Variants in TPPP observed in about 807,000 individuals in gnomAD.
TPPP encodes the protein tubulin polymerization-promoting protein.
In TPPP, 6 loss-of-function variants were observed where a neutral mutation model predicts 15.5. That is an observed-to-expected ratio of 0.39 (90% CI 0.21 to 0.77). The LOEUF is 0.77. TPPP is among the 30% of genes least tolerant of loss of function. The pLI is 0.42. For missense variants in TPPP, 269 were observed against 307.2 expected, an observed-to-expected ratio of 0.88 and a Z score of 0.93; for synonymous variants, 146 against 133.9, an observed-to-expected ratio of 1.09 and a Z score of -0.63.
intron 2 of TPPP, among the ~76,000 whole-genome samples, chr5:671,377 G>A (rs989740249): frequency 2.0e-5 from 3 of 151,984 alleles, no homozygotes; most frequent in Non-Finnish European, 4.4e-5. Context: ...CCTTCTCTAG[G>A]GGGCCCCAGG....
At chr5:698,498 T>C in the TPPP span, among the ~76,000 whole-genome samples, 5 of 151,972 alleles carry the variant, frequency 3.3e-5, no homozygotes, top group African/African-American at 1.2e-4. Context: ...GGACTTACAG[T>C]TCCACACGGC....
chr5:675,817 C>T (rs1294109690), intron 2 of TPPP: 1 of 152,226 alleles, frequency 6.6e-6, no homozygotes, highest in East Asian at 1.9e-4. Context: ...TTTCCGAGGC[C>T]GGGGAGCACA....
chr5:684,029 A>C (rs1740700258), intron 1 of TPPP, among the ~76,000 whole-genome samples: 1 of 150,924 alleles, frequency 6.6e-6, no homozygotes, highest in Admixed American at 6.6e-5. Context: ...TTGTCATTAA[A>C]CCCCACTCCT....
intron 2 of TPPP, among the ~76,000 whole-genome samples, chr5:668,363 TGG>T (rs1740032975): frequency 1.9e-5 from 2 of 107,842 alleles, no homozygotes; most frequent in African/African-American, 7.7e-5. Flanking sequence ...ACAAGCACAC[TGG>T]AGAGGGGTCC....
intron 1 of TPPP, among the ~76,000 whole-genome samples, chr5:688,553 G>A (rs1166984122): frequency 6.6e-5 from 10 of 152,228 alleles, no homozygotes; most frequent in South Asian, 2.1e-4. Context: ...CCCGGAACAC[G>A]AAGAGAGGCG....
At chr5:688,270 G>A (rs542497808) in intron 1 of TPPP, among the ~76,000 whole-genome samples, 129 of 142,936 alleles carry the variant, frequency 9.0e-4, no homozygotes, top group African/African-American at 2.3e-3. Flanking sequence ...AAGGGGAACC[G>A]CGTGGACATG....
chr5:663,326 G>A lies in TPPP; in HGVS notation c.*1776C>T, dbSNP rs1739757998. 6.6e-6 allele frequency: 1 copy of A among 152,582 alleles called. No individual in the cohort carries two copies. The highest frequency in any genetic ancestry group is 2.4e-5 in the African/African-American group (1 of 41,590). The allele number at this position is 152,582 out of a possible 1,614,324, so 9.5% of individuals were successfully genotyped here. ...CAGCGGGGGCACAGGGCTGGGCTTGGGCACCCCCCGCCTTCCCCAGGCCGG... is the reference window on the plus strand; with the variant it reads ...CAGCGGGGGCACAGGGCTGGGCTTGAGCACCCCCCGCCTTCCCCAGGCCGG... On this transcript the variant is annotated 3_prime_UTR_variant, in exon 4 of 4. Transcript: ENST00000360578.
upstream of TPPP, among the ~76,000 whole-genome samples, chr5:696,817 G>A (rs1291434050): frequency 1.3e-4 from 17 of 128,570 alleles, no homozygotes; most frequent in East Asian, 4.1e-4. Context: ...TATGCATGCC[G>A]GTGTATGTAT....
intron 2 of TPPP, among the ~76,000 whole-genome samples, chr5:675,037 G>A (rs1740357310): frequency 2.0e-5 from 2 of 99,316 alleles, no homozygotes; most frequent in Admixed American, 9.5e-5. Context: ...AGCAGTGAGG[G>A]GGGTACAGTA....
upstream of TPPP, among the ~76,000 whole-genome samples, chr5:695,687 C>T (rs1402265100): frequency 4.0e-5 from 6 of 151,718 alleles, no homozygotes; most frequent in African/African-American, 9.7e-5. Flanking sequence ...GCCTCCTCCC[C>T]CGAGTTAGTG....
chr5:674,990 C>A lies in TPPP; in HGVS notation c.311+2760G>T, dbSNP rs1046204758. On this transcript the variant is annotated intron_variant, in intron 2 of 3. Transcript: ENST00000360578. ...AGTCAGTCCACAAAGGATCTGTGGC[C>A]GGGGGAGCAGTGAGGGGGGCACAGT... 8.0e-5 allele frequency among the ~76,000 whole-genome samples: 9 copies of A among 111,860 alleles called. No individual in the cohort carries two copies. In the South Asian group the frequency reaches 2.7e-3, roughly 34 times the overall value. The allele number at this position is 111,860 out of a possible 152,430, so 73.4% of individuals were successfully genotyped here. A position where few individuals can be genotyped will look rare whatever the true frequency, so the allele number is the denominator to read the frequency against.
At position 679,459 on chromosome 5, in the gene TPPP, A is replaced by AGGATCCTGGGGGTGGAAAGGCTG. The variant is rs1360707202; in HGVS notation, c.-4-1396_-4-1395insCAGCCTTTCCACCCCCAGGATCC. 2.9e-3 allele frequency among the ~76,000 whole-genome samples: 405 copies of AGGATCCTGGGGGTGGAAAGGCTG among 138,872 alleles called. 41 individuals carry two copies. In the East Asian group the frequency reaches 0.069, roughly 24 times the overall value. 91.1% of individuals were successfully genotyped at this position (138,872 alleles called of 152,430 possible). A position where few individuals can be genotyped will look rare whatever the true frequency, so the allele number is the denominator to read the frequency against. On this transcript the variant is annotated intron_variant, in intron 1 of 3. Transcript: ENST00000360578. ...GCAGGATCCTGGGGGTGGAAGGGCCAGGTCAGGTGTCGAGCTGGGAACAGT... is the reference window on the plus strand; with the variant it reads ...GCAGGATCCTGGGGGTGGAAGGGCCAGGATCCTGGGGGTGGAAAGGCTGGGTCAGGTGTCGAGCTGGGAACAGT...
the TPPP span, among the ~76,000 whole-genome samples, chr5:698,922 T>G: frequency 2.6e-5 from 4 of 152,004 alleles, no homozygotes; most frequent in African/African-American, 9.7e-5. Context: ...TCATTTATTG[T>G]AGCTACAAAA....
intron 2 of TPPP, among the ~76,000 whole-genome samples, chr5:677,227 C>A (rs1423720451): frequency 2.0e-5 from 3 of 152,226 alleles, no homozygotes; most frequent in Non-Finnish European, 4.4e-5. Context: ...CTGGGGGACA[C>A]CCGAATGGCC....
At chr5:686,900 G>T (rs1335194855) in intron 1 of TPPP, among the ~76,000 whole-genome samples, 1 of 143,270 alleles carries the variant, frequency 7.0e-6, no homozygotes, top group African/African-American at 2.5e-5. Flanking sequence ...GGGGCATGAG[G>T]ACATGGCAAC....
intron 1 of TPPP, among the ~76,000 whole-genome samples, chr5:686,770 T>G (rs1489033803): frequency 6.9e-6 from 1 of 145,672 alleles, no homozygotes; most frequent in Non-Finnish European, 1.5e-5. Flanking sequence ...ATTCGTCCCC[T>G]CCAAAATCCA....
chr5:675,673 C>CTCAG (rs1319197244), intron 2 of TPPP, among the ~76,000 whole-genome samples: 1 of 151,962 alleles, frequency 6.6e-6, no homozygotes, highest in Admixed American at 6.5e-5. Flanking sequence ...TGAGCCCCAG[C>CTCAG]CCTTGTTGGG....
At chr5:686,884 A>AT (rs1273382690) in intron 1 of TPPP, among the ~76,000 whole-genome samples, 1 of 143,016 alleles carries the variant, frequency 7.0e-6, no homozygotes, top group Non-Finnish European at 1.6e-5. Flanking sequence ...GCCTTATCAA[A>AT]GGGCTGGGGC....
chr5:678,532 G>A (rs1288489770), intron 1 of TPPP, among the ~76,000 whole-genome samples: 2 of 142,690 alleles, frequency 1.4e-5, no homozygotes, highest in African/African-American at 3.1e-5. Flanking sequence ...GGTCTGTGAC[G>A]TGCTGCCTTC....
Sources: gnomAD v4.1 joint callset for allele counts (sites outside exome capture counted in the v4.1 genomes callset) on GRCh38, gnomAD v4.1.1 for gene constraint, MANE v1.5 for transcripts, NCBI Gene and HGNC (gene_info 2026-07-23, HGNC 2026-07-21) for gene names.